KCTD3: variants seen among roughly 807,000 people sequenced by gnomAD.
The protein encoded by KCTD3 is BTB/POZ domain-containing protein KCTD3.
Under a neutral mutation model 85.8 loss-of-function variants are expected in KCTD3, and 41 were observed. The ratio of observed to expected loss-of-function variants is 0.48; its 90% CI spans 0.37 to 0.62. The LOEUF (loss-of-function observed/expected upper bound fraction) is 0.62, where lower values mean the gene tolerates loss of function less well. KCTD3 is among the 20% of genes least tolerant of loss of function. The probability of loss-of-function intolerance (pLI) is 0.00; values close to 1 mark genes in which losing one functional copy is unlikely to be tolerated. For synonymous variants in KCTD3, 338 were observed against 345.4 expected (o/e 0.98, Z 0.24); for missense variants, 724 against 989.9 (o/e 0.73, Z 3.60).
At chr1:215,612,858 T>C (rs955399473) in intron 15 of KCTD3, among the ~76,000 whole-genome samples, 1 of 152,214 alleles carries the variant, frequency 6.6e-6, no homozygotes, top group African/African-American at 2.4e-5. Flanking sequence ...TTTTACTTCT[T>C]TTAAAATTAT....
chr1:215,576,041 A>G, intron 4 of KCTD3, 67 bp downstream of exon 4: 1 of 878,432 alleles, frequency 1.1e-6, no homozygotes, highest in South Asian at 1.5e-5. Context: ...ATGTTTTATG[A>G]AATAAAAGGT....
intron 1 of KCTD3, among the ~76,000 whole-genome samples, chr1:215,573,519 G>A (rs1659449788): frequency 6.6e-6 from 1 of 152,166 alleles, no homozygotes; most frequent in Admixed American, 6.5e-5. Flanking sequence ...TTCTTCAGCA[G>A]AGATTAGCTT....
chr1:215,576,063 G>GT (rs1169452803), intron 4 of KCTD3, 89 bp downstream of exon 4: 39,672 of 562,374 alleles, frequency 0.071, no homozygotes, highest in South Asian at 0.11. Flanking sequence ...TTTTTTGTTT[G>GT]TTTTTTTTTT....
At chr1:215,586,774 C>T (rs1344690411) in intron 9 of KCTD3, 89 bp downstream of exon 9, 3 of 1,050,646 alleles carry the variant, frequency 2.9e-6, no homozygotes, top group African/African-American at 1.6e-5. Flanking sequence ...GAAAATTAAC[C>T]TGGACTGTCA....
intron 2 of KCTD3, 21 bp downstream of exon 2, chr1:215,573,860 G>A (rs1475420098): frequency 1.1e-5 from 15 of 1,405,726 alleles, no homozygotes; most frequent in Admixed American, 1.9e-5. Flanking sequence ...TAATTCTTTA[G>A]TGTATATTTT....
Position 215,608,188 on chromosome 1 carries a change from T to G in KCTD3, c.1465+16T>G, listed in dbSNP as rs745800209. On this transcript the variant is annotated intron_variant, in intron 14 of 17. Coordinates refer to ENST00000259154, the MANE Select transcript of KCTD3 (RefSeq NM_016121.5). Reference sequence around the variant, plus strand: ...AATGACATAGGTGGGTTAGGTTATTTTAGGGCATTTTTAGGTACTATATTA... The same window carrying G: ...AATGACATAGGTGGGTTAGGTTATTGTAGGGCATTTTTAGGTACTATATTA... The G allele has an allele frequency of 2.5e-6, 4 of 1,596,778 alleles. No homozygotes were observed. The South Asian group carries it at 3.4e-5, about 13-fold the overall frequency.
chr1:215,596,926 G>A (rs1005918932), intron 10 of KCTD3, among the ~76,000 whole-genome samples: 3 of 152,138 alleles, frequency 2.0e-5, no homozygotes, highest in African/African-American at 7.2e-5. Context: ...CAGCTAGAAA[G>A]GTTTGACCCA....
At chr1:215,576,116 A>C (rs1659567650) in intron 4 of KCTD3, 142 bp downstream of exon 4, 1 of 591,874 alleles carries the variant, frequency 1.7e-6, no homozygotes, top group Non-Finnish European at 3.0e-6. Context: ...GCTGGAGTGC[A>C]GGAGTGCAGT....
chr1:215,567,829 C>A, intron 1 of KCTD3, 61 bp downstream of exon 1: 1 of 1,089,208 alleles, frequency 9.2e-7, no homozygotes, highest in Non-Finnish European at 1.2e-6. Context: ...CCTTTGGTGT[C>A]GACGGGGACC....
intron 4 of KCTD3, 64 bp from the exon 5 acceptor site, chr1:215,577,606 T>C (rs1659637366): frequency 9.4e-7 from 1 of 1,069,082 alleles, no homozygotes; most frequent in African/African-American, 1.6e-5. Context: ...ATTTTTTCCT[T>C]TCATGTCAGA....
In KCTD3 at chr1:215,604,185, C is replaced by T. The variant is rs764361600; in HGVS notation, c.1192C>T (p.Arg398Ter). Residue 398 changes from arginine (R) to a stop codon, truncating the protein, a stop_gained, in exon 13 of 18, where the codon CGA becomes TGA. Coordinates refer to ENST00000259154, the MANE Select transcript of KCTD3 (RefSeq NM_016121.5). LOFTEE classifies it high-confidence loss of function. ...IAYGTSSGAVRVIVQHPETVG... is the reference protein window; with the variant it reads ...IAYGTSSGAV Reference sequence around the variant, plus strand: ...CTATGGTACGAGCTCTGGAGCAGTACGAGTGATTGTACAACACCCAGAGAC... The same window carrying T: ...CTATGGTACGAGCTCTGGAGCAGTATGAGTGATTGTACAACACCCAGAGAC... 3 of 1,613,628 alleles carry T rather than the reference C, an allele frequency of 1.9e-6. No homozygotes were observed. The highest frequency in any genetic ancestry group is 1.1e-5 in the South Asian group (1 of 91,056).
intron 9 of KCTD3, among the ~76,000 whole-genome samples, chr1:215,587,693 A>G (rs1421064590): frequency 1.3e-5 from 2 of 152,216 alleles, no homozygotes; most frequent in Admixed American, 6.5e-5. Context: ...TTGATCTTAC[A>G]CAGATATGTA....
intron 14 of KCTD3, among the ~76,000 whole-genome samples, chr1:215,609,475 T>A (rs909319938): frequency 6.6e-5 from 10 of 151,994 alleles, no homozygotes; most frequent in Non-Finnish European, 1.2e-4. Flanking sequence ...CTAAGAAATT[T>A]AGATTTTATC....
chr1:215,618,751 A>C, intron 15 of KCTD3, 135 bp from the exon 16 acceptor site: 1 of 675,332 alleles, frequency 1.5e-6, no homozygotes, highest in Non-Finnish European at 2.4e-6. Context: ...TTTACACATA[A>C]ATTTTAAATG....
intron 15 of KCTD3, chr1:215,618,659 G>C (rs1655547618): frequency 2.7e-6 from 1 of 376,122 alleles, no homozygotes. Context: ...TTTTTTTGAA[G>C]TTGAGTATTA....
At chr1:215,598,044 T>C (rs796428692) in intron 10 of KCTD3, among the ~76,000 whole-genome samples, 11 of 152,032 alleles carry the variant, frequency 7.2e-5, no homozygotes, top group African/African-American at 2.7e-4. Context: ...TGAAACAATG[T>C]ATATTGTTTA....
chr1:215,607,920 TATACTC>T (rs1655095626), intron 13 of KCTD3, 91 bp from the exon 14 acceptor site: 1 of 837,380 alleles, frequency 1.2e-6, no homozygotes, highest in African/African-American at 1.8e-5. Context: ...ATTTGCCACT[TATACTC>T]TGATCTGTGT....
At chr1:215,574,984 G>C (rs903835719) in intron 3 of KCTD3, among the ~76,000 whole-genome samples, 4 of 152,150 alleles carry the variant, frequency 2.6e-5, no homozygotes, top group African/African-American at 9.7e-5. Context: ...GGGTGGGGTG[G>C]CTTATGCCTG....
chr1:215,619,238 C>T lies in KCTD3; in HGVS notation c.1833C>T (p.Ile611=), dbSNP rs772923100. 6.2e-7 allele frequency: 1 copy of T among 1,613,886 alleles called. No individual in the cohort carries two copies. The highest frequency in any genetic ancestry group is 8.5e-7 in the Non-Finnish European group (1 of 1,179,756). ...LSTSRCATPN[I]SPATSVVQHS... Reference sequence around the variant, plus strand: ...CATCTCGCTGTGCTACTCCTAACATCAGTCCAGCAACTTCCGTAGTTCAGC... The same window carrying T: ...CATCTCGCTGTGCTACTCCTAACATTAGTCCAGCAACTTCCGTAGTTCAGC... The change falls in exon 17 of 18, where the codon ATC becomes ATT. Residue 611 remains isoleucine, a synonymous_variant. Transcript: ENST00000259154.
Sources: allele counts gnomAD v4.1 joint callset (sites outside exome capture counted in the v4.1 genomes callset), GRCh38; gene constraint gnomAD v4.1.1; transcripts MANE v1.5; gene names NCBI Gene and HGNC (gene_info 2026-07-23, HGNC 2026-07-21).